SLC25A21: variants seen among roughly 807,000 people sequenced by gnomAD.
SLC25A21 encodes mitochondrial 2-oxodicarboxylate carrier.
SLC25A21 carries 47 observed loss-of-function variants against 43.8 expected under a neutral mutation model. The observed-to-expected ratio is 1.07, with a 90% CI of 0.85 to 1.37. SLC25A21 has a LOEUF of 1.37. Among genes scored for constraint, SLC25A21 ranks in the 40% most tolerant of loss-of-function variants. The pLI is 0.00. For synonymous variants in SLC25A21, 131 were observed against 121.3 expected, an observed-to-expected ratio of 1.08 and a Z score of -0.52; for missense variants, 352 against 350.2, an observed-to-expected ratio of 1.00 and a Z score of -0.04.
At chr14:36,722,414 C>T (rs1381745740) in intron 6 of SLC25A21, among the ~76,000 whole-genome samples, 1 of 152,000 alleles carries the variant, frequency 6.6e-6, no homozygotes, top group Non-Finnish European at 1.5e-5. Context: ...AGAGTGAGCC[C>T]TAATGTAAAC....
chr14:37,170,761 T>C (rs1471396565), intron 1 of SLC25A21, among the ~76,000 whole-genome samples: 4 of 149,200 alleles, frequency 2.7e-5, no homozygotes, highest in East Asian at 2.0e-4. Context: ...ACCCTGACTC[T>C]ACAAAAAAAA....
intron 3 of SLC25A21, among the ~76,000 whole-genome samples, chr14:36,756,903 T>A (rs1885953347): frequency 6.6e-6 from 1 of 152,212 alleles, no homozygotes; most frequent in African/African-American, 2.4e-5. Context: ...TTCTCTGCTG[T>A]AGAAATAATA....
At chr14:36,803,777 C>T (rs1325527) in intron 3 of SLC25A21, among the ~76,000 whole-genome samples, 1 of 151,974 alleles carries the variant, frequency 6.6e-6, no homozygotes, top group South Asian at 2.1e-4. Flanking sequence ...TCATATGATG[C>T]TTCTTCACTC....
intron 3 of SLC25A21, among the ~76,000 whole-genome samples, chr14:36,803,087 T>C (rs1464304684): frequency 1.3e-5 from 2 of 152,190 alleles, no homozygotes; most frequent in East Asian, 3.9e-4. Context: ...AAGAGTTTAA[T>C]TATCAGCATT....
At chr14:36,795,936 A>G (rs769275907) in intron 3 of SLC25A21, among the ~76,000 whole-genome samples, 3 of 152,218 alleles carry the variant, frequency 2.0e-5, no homozygotes, top group Non-Finnish European at 2.9e-5. Flanking sequence ...GCAACACAGC[A>G]TATATGTAAC....
At chr14:36,965,802 A>T (rs1959598968) in intron 1 of SLC25A21, among the ~76,000 whole-genome samples, 1 of 152,208 alleles carries the variant, frequency 6.6e-6, no homozygotes, top group Non-Finnish European at 1.5e-5. Flanking sequence ...TAATCATCTG[A>T]GAACAGTTTG....
At chr14:36,749,104 T>A (rs1249793003) in intron 3 of SLC25A21, among the ~76,000 whole-genome samples, 1 of 152,160 alleles carries the variant, frequency 6.6e-6, no homozygotes, top group East Asian at 1.9e-4. Flanking sequence ...CTATAACCAA[T>A]CTGGCTGTTT....
intron 1 of SLC25A21, among the ~76,000 whole-genome samples, chr14:36,965,126 T>C (rs1260544944): frequency 6.6e-6 from 1 of 152,176 alleles, no homozygotes; most frequent in Non-Finnish European, 1.5e-5. Context: ...TCTGTTAACT[T>C]ACCTTCCCTT....
chr14:36,990,507 A>G (rs186714525), intron 1 of SLC25A21, among the ~76,000 whole-genome samples: 137 of 152,330 alleles, frequency 9.0e-4, no homozygotes, highest in Non-Finnish European at 1.7e-3. Flanking sequence ...TGAAATGTTT[A>G]TAAGTTTATC....
At chr14:36,956,077 C>T (rs1331187114) in intron 1 of SLC25A21, among the ~76,000 whole-genome samples, 1 of 151,934 alleles carries the variant, frequency 6.6e-6, no homozygotes, top group East Asian at 1.9e-4. Flanking sequence ...TCAGAGATAC[C>T]CCCCACTATA....
At chr14:37,153,138 C>T (rs1963787740) in intron 1 of SLC25A21, among the ~76,000 whole-genome samples, 1 of 152,170 alleles carries the variant, frequency 6.6e-6, no homozygotes, top group African/African-American at 2.4e-5. Flanking sequence ...TTGACCATCC[C>T]AAGCCCTGAA....
intron 3 of SLC25A21, among the ~76,000 whole-genome samples, chr14:36,784,423 G>A (rs997464703): frequency 6.6e-6 from 1 of 152,030 alleles, no homozygotes; most frequent in African/African-American, 2.4e-5. Flanking sequence ...CTGTAGCACT[G>A]ATTCAATTTG....
intron 1 of SLC25A21, among the ~76,000 whole-genome samples, chr14:37,018,405 C>G (rs1168811949): frequency 6.6e-6 from 1 of 152,034 alleles, no homozygotes; most frequent in Non-Finnish European, 1.5e-5. Context: ...TTATGAGAAT[C>G]ATTTCACAAT....
intron 3 of SLC25A21, among the ~76,000 whole-genome samples, chr14:36,744,444 A>G (rs547394517): frequency 6.6e-6 from 1 of 152,184 alleles, no homozygotes; most frequent in East Asian, 1.9e-4. Context: ...GGGAAAGGAT[A>G]CTCTATTCAA....
intron 3 of SLC25A21, among the ~76,000 whole-genome samples, chr14:36,739,561 C>G (rs1414136887): frequency 6.6e-6 from 1 of 151,910 alleles, no homozygotes; most frequent in Non-Finnish European, 1.5e-5. Context: ...GCATGTAGTC[C>G]CAGCTACTCG....
rs142889829 is a variant in SLC25A21, at chr14:36,851,198, A to G, written c.119+23758T>C. 3.3e-5 allele frequency among the ~76,000 whole-genome samples: 5 copies of G among 152,304 alleles called. No individual in the cohort carries two copies. The East Asian group carries it at 9.6e-4, about 29-fold the overall frequency. On this transcript the variant is annotated intron_variant, in intron 2 of 9. Coordinates refer to ENST00000331299, the MANE Select transcript of SLC25A21 (RefSeq NM_030631.4). ...AAGTATGTAAGATAACCTGGGAGCCATATGTGTCACATGATTTGTTGGGGC... is the reference window on the plus strand; with the variant it reads ...AAGTATGTAAGATAACCTGGGAGCCGTATGTGTCACATGATTTGTTGGGGC...
intron 1 of SLC25A21, among the ~76,000 whole-genome samples, chr14:37,097,416 G>GT (rs965618504): frequency 1.3e-5 from 2 of 152,050 alleles, no homozygotes; most frequent in Non-Finnish European, 2.9e-5. Context: ...GTTTTCTTGC[G>GT]TTAAGGGTTG....
intron 1 of SLC25A21, among the ~76,000 whole-genome samples, chr14:37,060,618 C>T (rs1961928061): frequency 6.6e-6 from 1 of 151,790 alleles, no homozygotes; most frequent in Non-Finnish European, 1.5e-5. Context: ...CACACACACA[C>T]ACACACACAA....
chr14:37,037,027 A>G (rs976604176), intron 1 of SLC25A21, among the ~76,000 whole-genome samples: 3 of 152,192 alleles, frequency 2.0e-5, no homozygotes, highest in African/African-American at 7.2e-5. Flanking sequence ...ATGAACATCA[A>G]ATTATTTTAC....
Sources: gnomAD v4.1 joint callset for allele counts (sites outside exome capture counted in the v4.1 genomes callset) on GRCh38, gnomAD v4.1.1 for gene constraint, MANE v1.5 for transcripts, NCBI Gene and HGNC (gene_info 2026-07-23, HGNC 2026-07-21) for gene names.